The following IL2RB variants were observed in gnomAD, a reference collection of about 807,000 sequenced individuals.
IL2RB encodes interleukin-2 receptor subunit beta.
A neutral mutation model predicts 44.2 loss-of-function variants in IL2RB; 17 were observed. That is an observed-to-expected ratio of 0.38 (90% CI 0.26 to 0.58). The LOEUF (loss-of-function observed/expected upper bound fraction) is 0.58, where lower values mean the gene tolerates loss of function less well. Among genes scored for constraint, IL2RB ranks in the 20% least tolerant of loss-of-function variants. IL2RB has a pLI of 0.63. For missense variants in IL2RB, 624 were observed against 685.5 expected, an observed-to-expected ratio of 0.91 and a Z score of 1.00; for synonymous variants, 286 against 297.9, an observed-to-expected ratio of 0.96 and a Z score of 0.41.
upstream of IL2RB, among the ~76,000 whole-genome samples, chr22:37,150,473 T>C (rs1922441026): frequency 6.6e-6 from 1 of 152,204 alleles, no homozygotes; most frequent in Non-Finnish European, 1.5e-5. Flanking sequence ...TAGGTGTCTA[T>C]ATTCATGAGG....
chr22:37,145,495 A>AG (rs1249541961), intron 1 of IL2RB, among the ~76,000 whole-genome samples: 4 of 151,882 alleles, frequency 2.6e-5, no homozygotes, highest in Non-Finnish European at 4.4e-5. Context: ...AGCTCCCGTG[A>AG]GGCAAGACCA....
At chr22:37,151,602 G>A (rs1415221777), upstream of IL2RB, among the ~76,000 whole-genome samples, 1 of 152,206 alleles carries the variant, frequency 6.6e-6, no homozygotes, top group Non-Finnish European at 1.5e-5. Context: ...TTGGTTGCAT[G>A]TGCTGGTGGG....
In IL2RB at chr22:37,128,159, C is replaced by G. The variant is rs751582989; in HGVS notation, c.1593G>C (p.Leu531=). The G allele has an allele frequency of 6.4e-7, 1 of 1,572,404 alleles. No individual in the cohort carries two copies. ...GGAGGGACAAGTAGGCATCAGTGTT[C>G]AGGGGCAGGCGAGCATTAAGGGCCC... ...EFRALNARLP[L]NTDAYLSLQE... Residue 531 remains leucine, a synonymous_variant, in exon 10 of 10, where the codon CTG becomes CTC. Coordinates refer to ENST00000216223, the MANE Select transcript of IL2RB (RefSeq NM_000878.5). This position sits in a 1 kb window ranked among gnomAD's most constrained non-coding sequence, Gnocchi z 4.5.
In IL2RB at chr22:37,166,107, AC is replaced by A. The variant is rs1923070363; in HGVS notation, c.-34+8850del. Among the ~76,000 whole-genome samples the A allele has an allele frequency of 3.9e-5, 6 of 152,248 alleles. 1 individual carries two copies. The South Asian group carries it at 1.2e-3, about 32-fold the overall frequency. On this transcript the variant is annotated intron_variant, in intron 1 of 5. Transcript: ENST00000429622. ...TAGCTGGGCCAGGAGAGGTGACCTC[AC>A]CGCCCATGCTCAAGGTCTCTCTGTT...
At chr22:37,161,123 C>T (rs1289722865) in intron 1 of IL2RB, among the ~76,000 whole-genome samples, 1 of 152,354 alleles carries the variant, frequency 6.6e-6, no homozygotes, top group African/African-American at 2.4e-5. Context: ...GCCTGGGCCA[C>T]AGGCAAGACT....
In IL2RB at chr22:37,128,496, C is replaced by G. The variant is rs748540516; in HGVS notation, c.1256G>C (p.Cys419Ser). Residue 419 changes from cysteine to serine, a missense_variant, in exon 10 of 10, where the codon TGC (cysteine) becomes TCC (serine). By Grantham distance (112) the Cys-to-Ser change is moderately radical. Coordinates refer to ENST00000216223, the MANE Select transcript of IL2RB (RefSeq NM_000878.5). The surrounding 1 kb of genome is among the most constrained non-coding windows in gnomAD (Gnocchi z 4.5). ...CAGGTCATCCCTGGAGGGGAAGGTG[C>G]AGTAGGCGTCGTCCTCCCCTGACAG... ...QPLSGEDDAY[C>S]TFPSRDDLLL... 6.2e-7 allele frequency: 1 copy of G among 1,607,110 alleles called. No homozygotes were observed. The highest frequency in any genetic ancestry group is 1.1e-5 in the South Asian group (1 of 90,614).
Position 37,136,396 on chromosome 22 carries a change from G to A in IL2RB, c.538-3C>T, listed in dbSNP as rs748309662. 17 of 1,606,714 alleles carry A rather than the reference G, an allele frequency of 1.1e-5. No homozygotes were observed. Among genetic ancestry groups the A allele is most frequent in the South Asian group, 8.9e-5 (8 of 89,918 alleles). The stretch of plus-strand genomic sequence containing the variant: ...TTGAGAGTCAGCAGGGGGGCCTCCT[G>A]GGTCGGAGACAGGACTGTCAGCGCC... On this transcript the variant is annotated splice_polypyrimidine_tract_variant and splice_region_variant and intron_variant, in intron 6 of 9. Transcript: ENST00000216223.
At chr22:37,153,095 C>T (rs1057280732), upstream of IL2RB, among the ~76,000 whole-genome samples, 5 of 152,036 alleles carry the variant, frequency 3.3e-5, no homozygotes, top group Non-Finnish European at 5.9e-5. Flanking sequence ...CTACCATGCC[C>T]GGCTAATTTT....
At chr22:37,132,513 G>A (rs1240186529) in intron 8 of IL2RB, 45 bp from the exon 9 acceptor site, 1 of 1,473,482 alleles carries the variant, frequency 6.8e-7, no homozygotes, top group Non-Finnish European at 9.5e-7. Context: ...GAAAGGGAAG[G>A]ACCGCGGTGT....
upstream of IL2RB, among the ~76,000 whole-genome samples, chr22:37,151,554 C>G (rs1922486969): frequency 6.6e-6 from 1 of 152,128 alleles, no homozygotes; most frequent in African/African-American, 2.4e-5. Flanking sequence ...TGTGTAGAAG[C>G]CTTTTAACTT....
Position 37,128,201 on chromosome 22 carries a change from A to C in IL2RB, c.1551T>G (p.Pro517=), listed in dbSNP as rs1477430715. Residue 517 remains proline (P), a synonymous_variant, in exon 10 of 10, where the codon CCT becomes CCG. Transcript: ENST00000216223. The surrounding 1 kb of genome is among the most constrained non-coding windows in gnomAD (Gnocchi z 4.5). ...TAAGGGCCCTGAACTCCCCCTGCCC[A>C]GGAGGCCTGGACCAGGGGAAACTGA... is the stretch of plus-strand genomic sequence containing the variant. ...EGVSFPWSRP[P]GQGEFRALNA... 1 of 1,527,850 alleles carries C rather than the reference A, an allele frequency of 6.5e-7. No individual in the cohort carries two copies. Among genetic ancestry groups the C allele is most frequent in the Non-Finnish European group, 8.8e-7 (1 of 1,141,936 alleles). 94.6% of individuals were successfully genotyped at this position (1,527,850 alleles called of 1,614,324 possible). A position where few individuals can be genotyped will look rare whatever the true frequency, so the allele number is the denominator to read the frequency against.
intron 6 of IL2RB, 63 bp downstream of exon 6, chr22:37,137,524 C>G: frequency 6.4e-7 from 1 of 1,557,542 alleles, no homozygotes; most frequent in Non-Finnish European, 8.8e-7. Context: ...GAAAAAGGGA[C>G]AGGACATGGA....
intron 1 of IL2RB, among the ~76,000 whole-genome samples, chr22:37,160,412 G>C (rs540001709): frequency 1.8e-4 from 27 of 152,308 alleles, no homozygotes; most frequent in Admixed American, 7.8e-4. Flanking sequence ...TTCTGGGAGG[G>C]TTTGGGCAGG....
chr22:37,128,596 G>T lies in IL2RB; in HGVS notation c.1156C>A (p.Pro386Thr), dbSNP rs1256621170. The T allele has an allele frequency of 1.2e-6, 2 of 1,613,974 alleles. No homozygotes were observed. The highest frequency in any genetic ancestry group is 1.7e-6 in the Non-Finnish European group (2 of 1,179,994). The change falls in exon 10 of 10, where the codon CCC becomes ACC. Residue 386 changes from proline (P) to threonine (T), a missense_variant. By Grantham distance (38) the Pro-to-Thr change is conservative. Transcript: ENST00000216223. This position sits in a 1 kb window ranked among gnomAD's most constrained non-coding sequence, Gnocchi z 4.5. ...TCATCAGGGTCTTCCTCTGAGTAGG[G>T]GTCGTAAGTAAAGTACACCTGGCAG... The part of the protein sequence containing the change: ...EACQVYFTYD[P>T]YSEEDPDEGV...
chr22:37,137,863 C>A, intron 5 of IL2RB, 128 bp from the exon 6 acceptor site: 1 of 753,202 alleles, frequency 1.3e-6, no homozygotes, highest in Non-Finnish European at 2.2e-6. Context: ...CCCCAGGACC[C>A]GCTCCCTCAC....
chr22:37,168,691 G>T (rs938993516), intron 1 of IL2RB, among the ~76,000 whole-genome samples: 1 of 152,228 alleles, frequency 6.6e-6, no homozygotes, highest in African/African-American at 2.4e-5. Context: ...GGATGGGGAT[G>T]AGTGTTCCAT....
chr22:37,142,345 T>G, intron 4 of IL2RB, 89 bp downstream of exon 4: 1 of 1,219,596 alleles, frequency 8.2e-7, no homozygotes, highest in Non-Finnish European at 1.2e-6. Context: ...CCTCAGCTCT[T>G]CCCCTGGCAT....
chr22:37,167,080 C>G (rs976759096), intron 1 of IL2RB: 1 of 152,610 alleles, frequency 6.6e-6, no homozygotes, highest in African/African-American at 2.4e-5. Context: ...ACCTAACCCC[C>G]AGACTCAGAG....
intron 1 of IL2RB, among the ~76,000 whole-genome samples, chr22:37,147,935 C>A (rs1361699321): frequency 6.6e-6 from 1 of 152,242 alleles, no homozygotes; most frequent in African/African-American, 2.4e-5. Flanking sequence ...CTCAATCATG[C>A]CAACCTGGCC....
Sources: allele counts gnomAD v4.1 joint callset (sites outside exome capture counted in the v4.1 genomes callset), GRCh38; gene constraint gnomAD v4.1.1; non-coding constraint Gnocchi (gnomAD v3.1); transcripts MANE v1.5; gene names NCBI Gene and HGNC (gene_info 2026-07-23, HGNC 2026-07-21).